The following PSEN2 variants were observed in gnomAD, a reference collection of about 807,000 sequenced individuals.
PSEN2 encodes presenilin 2, also known as presenilin-2.
Under a neutral mutation model 49.1 loss-of-function variants are expected in PSEN2, and 32 were observed. That is an observed-to-expected ratio of 0.65 (90% confidence interval 0.49 to 0.88). PSEN2 has a LOEUF of 0.88. Among genes scored for constraint, PSEN2 ranks in the 40% least tolerant of loss-of-function variants. The pLI is 0.00. For missense variants in PSEN2, 522 were observed against 586.9 expected (o/e 0.89, Z 1.14); for synonymous variants, 255 against 244.0 (o/e 1.05, Z -0.42).
At chr1:226,885,269 G>A (rs111777599) in intron 5 of PSEN2, among the ~76,000 whole-genome samples, 1 of 152,132 alleles carries the variant, frequency 6.6e-6, no homozygotes, top group African/African-American at 2.4e-5. Flanking sequence ...GGTGGGGAAA[G>A]CAGCAGGGAG....
intron 12 of PSEN2, among the ~76,000 whole-genome samples, chr1:226,895,213 C>T (rs1662055343): frequency 6.6e-6 from 1 of 152,234 alleles, no homozygotes. Context: ...CTGGTTCACT[C>T]ACTAACAGGT....
chr1:226,901,434 C>A (rs76751207), downstream of PSEN2, among the ~76,000 whole-genome samples: 219 of 117,554 alleles, frequency 1.9e-3, no homozygotes, highest in African/African-American at 2.7e-3. Context: ...GAAACTGTCT[C>A]AAAAAAAAAA....
At position 226,887,942 on chromosome 1, in the gene PSEN2, G is replaced by A. The variant is rs139656438; in HGVS notation, c.499-149G>A. On this transcript the variant is annotated intron_variant, in intron 6 of 12. Transcript: ENST00000366783. ...TTGGACTTCTGTGCCCTCTTTATCT[G>A]TAAGGTGGCCACCTGATCCCTTCCA... is the stretch of plus-strand genomic sequence containing the variant. 537 of 726,068 alleles carry A rather than the reference G, an allele frequency of 7.4e-4. 2 individuals carry two copies. In the African/African-American group the frequency reaches 8.3e-3, roughly 11 times the overall value. 45.0% of individuals were successfully genotyped at this position (726,068 alleles called of 1,614,324 possible).
chr1:226,880,786 G>T, intron 3 of PSEN2: 1 of 1,607,756 alleles, frequency 6.2e-7, no homozygotes, highest in Non-Finnish European at 8.5e-7. Context: ...GTTTTAGGGG[G>T]CAGGCTTCCC....
intron 3 of PSEN2, among the ~76,000 whole-genome samples, chr1:226,878,065 TTTTTTC>T (rs1228283609): frequency 5.9e-5 from 9 of 152,150 alleles, no homozygotes; most frequent in African/African-American, 2.2e-4. Flanking sequence ...GGATTGTCTT[TTTTTTC>T]TTTTTCTTTT....
intron 11 of PSEN2, among the ~76,000 whole-genome samples, chr1:226,892,640 C>T (rs1218592763): frequency 3.9e-5 from 6 of 152,130 alleles, no homozygotes; most frequent in African/African-American, 7.2e-5. Context: ...GATCACTCTG[C>T]GGTGGGTCTG....
intron 3 of PSEN2, among the ~76,000 whole-genome samples, chr1:226,878,807 A>G (rs1375708631): frequency 2.0e-5 from 3 of 152,242 alleles, no homozygotes; most frequent in Non-Finnish European, 4.4e-5. Flanking sequence ...CCACCTGTAC[A>G]GCCTCGTATC....
intron 3 of PSEN2, among the ~76,000 whole-genome samples, chr1:226,876,856 T>C (rs973447085): frequency 6.6e-6 from 1 of 152,208 alleles, no homozygotes; most frequent in Non-Finnish European, 1.5e-5. Flanking sequence ...CAGTGCAGTT[T>C]GTCCAGGTAG....
At position 226,895,799 on chromosome 1, in the gene PSEN2, C is replaced by A; in HGVS notation, c.*220C>A. 1 of 593,436 alleles carries A rather than the reference C, an allele frequency of 1.7e-6. No individual in the cohort carries two copies. The highest frequency in any genetic ancestry group is 3.0e-6 in the Non-Finnish European group (1 of 335,782). 36.8% of individuals were successfully genotyped at this position (593,436 alleles called of 1,614,324 possible). A position where few individuals can be genotyped will look rare whatever the true frequency, so the allele number is the denominator to read the frequency against. On this transcript the variant is annotated 3_prime_UTR_variant, in exon 13 of 13. Transcript: ENST00000366783. ...TTTGGGGAGCGCCTCGCTTCACGGACAGGAAGCACAGCAGGTTTATCCAGA... is the reference window on the plus strand; with the variant it reads ...TTTGGGGAGCGCCTCGCTTCACGGAAAGGAAGCACAGCAGGTTTATCCAGA...
chr1:226,894,270 G>A (rs1661967169), intron 12 of PSEN2, 145 bp downstream of exon 12: 1 of 649,592 alleles, frequency 1.5e-6, no homozygotes, highest in African/African-American at 1.8e-5. Context: ...GGGGCTGGAA[G>A]GGTCAGCTTG....
downstream of PSEN2, among the ~76,000 whole-genome samples, chr1:226,896,706 T>C (rs1057061925): frequency 3.3e-5 from 5 of 151,768 alleles, no homozygotes; most frequent in African/African-American, 1.2e-4. Context: ...AAAAAAAATT[T>C]AAAAATTAGC....
intron 2 of PSEN2, among the ~76,000 whole-genome samples, chr1:226,874,706 C>T (rs887830150): frequency 6.6e-6 from 1 of 152,200 alleles, no homozygotes; most frequent in Admixed American, 6.5e-5. Context: ...GGACACTTTA[C>T]AGGTTATCTC....
At chr1:226,890,235 C>T (rs554306827) in intron 9 of PSEN2, 102 bp downstream of exon 9, 138 of 968,090 alleles carry the variant, frequency 1.4e-4, no homozygotes, top group South Asian at 9.4e-4. Flanking sequence ...GTTGACTGGG[C>T]GATCCCAGGA....
At position 226,883,961 on chromosome 1, in the gene PSEN2, G is replaced by A. The variant is rs534434147; in HGVS notation, c.356+42G>A. 3.1e-5 allele frequency: 32 copies of A among 1,027,618 alleles called. No individual in the cohort carries two copies. In the Admixed American group the frequency reaches 5.1e-4, roughly 16 times the overall value. The allele number at this position is 1,027,618 out of a possible 1,614,324, so 63.7% of individuals were successfully genotyped here. ...GGGGGAGCAGGGTGGGGTGAGGGCT[G>A]AGTTGCCAGGGGGTGGGGGGCGCAG... is the stretch of plus-strand genomic sequence containing the variant. On this transcript the variant is annotated intron_variant, in intron 5 of 12. Transcript: ENST00000366783.
intron 4 of PSEN2, 130 bp downstream of exon 4, chr1:226,882,178 A>C (rs914266814): frequency 1.0e-5 from 14 of 1,334,930 alleles, no homozygotes; most frequent in Non-Finnish European, 1.4e-5. Flanking sequence ...TTGGCCGAAA[A>C]GGTGGGTGGC....
chr1:226,888,029 G>T, intron 6 of PSEN2, 62 bp from the exon 7 acceptor site: 1 of 1,348,276 alleles, frequency 7.4e-7, no homozygotes, highest in South Asian at 1.2e-5. Flanking sequence ...TCAGGATCCT[G>T]GGGGCCTTAG....
rs761057590 is a variant in PSEN2 at position 226,888,132 on chromosome 1, G to A, written c.540G>A (p.Leu180=). The A allele has an allele frequency of 1.2e-6, 2 of 1,613,812 alleles. No individual in the cohort carries two copies. The highest frequency in any genetic ancestry group is 2.2e-5 in the East Asian group (1 of 44,872). ...GWLIMSSLML[L]FLFTYIYLGE... ...TGATCATGTCTTCACTGATGCTGCT[G>A]TTCCTCTTCACCTATATCTACCTTG... The change falls in exon 7 of 13, where the codon CTG becomes CTA. Residue 180 remains leucine (L), a synonymous_variant. Coordinates refer to ENST00000366783, the MANE Select transcript of PSEN2 (RefSeq NM_000447.3).
chr1:226,888,414 C>G (rs551265862), intron 7 of PSEN2, among the ~76,000 whole-genome samples: 8 of 152,292 alleles, frequency 5.3e-5, no homozygotes, highest in South Asian at 2.1e-4. Flanking sequence ...GGAGAAGGCT[C>G]TCTGTGAACC....
chr1:226,878,296 TC>T (rs1660761662), intron 3 of PSEN2, among the ~76,000 whole-genome samples: 1 of 152,152 alleles, frequency 6.6e-6, no homozygotes, highest in South Asian at 2.1e-4. Context: ...GCTAGGCTGG[TC>T]TTGAACTCCT....
Sources: allele counts gnomAD v4.1 joint callset (sites outside exome capture counted in the v4.1 genomes callset), GRCh38; gene constraint gnomAD v4.1.1; transcripts MANE v1.5; gene names NCBI Gene and HGNC (gene_info 2026-07-23, HGNC 2026-07-21).